Variants in POLE observed in about 807,000 individuals in gnomAD.
POLE encodes the protein DNA polymerase epsilon, catalytic subunit.
In POLE, 188 loss-of-function variants were observed where a neutral mutation model predicts 279.2. The ratio of observed to expected loss-of-function variants is 0.67; its 90% CI spans 0.60 to 0.76. POLE has a LOEUF of 0.76. Among genes scored for constraint, POLE ranks in the 30% least tolerant of loss-of-function variants. The pLI is 0.00. For synonymous variants in POLE, 1,214 were observed against 1,172.5 expected (o/e 1.04, Z -0.72); for missense variants, 2,703 against 3,016.7 (o/e 0.90, Z 2.44).
chr12:132,682,587 T>C (rs943839714), intron 1 of POLE, among the ~76,000 whole-genome samples: 9 of 152,302 alleles, frequency 5.9e-5, no homozygotes, highest in Admixed American at 4.6e-4. Context: ...CAAGATGTTA[T>C]GGTGAAGTGA....
At chr12:132,637,093 C>G (rs1218673819) in intron 41 of POLE, among the ~76,000 whole-genome samples, 2 of 152,250 alleles carry the variant, frequency 1.3e-5, no homozygotes. Flanking sequence ...AGCGTGACCA[C>G]TGACCATCAA....
chr12:132,650,985 C>T (rs2042411559), intron 29 of POLE: 2 of 149,784 alleles, frequency 1.3e-5, no homozygotes, highest in African/African-American at 2.5e-5. Flanking sequence ...AGCAATTCTG[C>T]CTCAGCCTCC....
At position 132,657,094 on chromosome 12, in the gene POLE, A is replaced by T. The variant is rs763536387; in HGVS notation, c.3582+42T>A. 17 of 1,607,542 alleles carry T rather than the reference A, an allele frequency of 1.1e-5. No individual in the cohort carries two copies. The South Asian group carries it at 1.8e-4, about 17-fold the overall frequency. On this transcript the variant is annotated intron_variant, in intron 29 of 48. Transcript: ENST00000320574. ...CAAGAAGCCTGGAGTCCTGTGTGTC[A>T]CAAGGATCCCGCCCAGCCCAGCCTT...
chr12:132,648,132 T>C (rs1291735452), intron 32 of POLE, among the ~76,000 whole-genome samples: 1 of 152,124 alleles, frequency 6.6e-6, no homozygotes, highest in African/African-American at 2.4e-5. Context: ...AGCGCACTCA[T>C]GGCCACATGA....
intron 26 of POLE, chr12:132,658,399 T>G (rs5744876): frequency 1.2e-5 from 2 of 173,128 alleles, no homozygotes; most frequent in East Asian, 3.5e-4. Context: ...CATGTCTACG[T>G]TTCTGAGTAA....
chr12:132,680,528 C>T, intron 3 of POLE, 79 bp downstream of exon 3: 1 of 1,160,674 alleles, frequency 8.6e-7, no homozygotes, highest in South Asian at 1.3e-5. Flanking sequence ...TGGAAGCCTC[C>T]CATGCCCTCC....
chr12:132,686,729 C>T (rs866355293), intron 1 of POLE, among the ~76,000 whole-genome samples: 20 of 152,166 alleles, frequency 1.3e-4, no homozygotes, highest in African/African-American at 4.3e-4. Context: ...AGCGGGACTC[C>T]CTGCCCAAAA....
rs758173240 is a variant in POLE at position 132,643,552 on chromosome 12, T to C, written c.4299A>G (p.Leu1433=). The C allele has an allele frequency of 6.2e-7, 1 of 1,614,048 alleles. No individual in the cohort carries two copies. The highest frequency in any genetic ancestry group is 8.5e-7 in the Non-Finnish European group (1 of 1,180,028). ...IEGVYETQVP[L]LFRALVHLGC... is the part of the protein sequence containing the mutation. ...CCAGGTGCACCAGGGCCCGGAACAGTAACGGAACCTGGAAGAATCGGGCAG... is the reference window on the plus strand; with the variant it reads ...CCAGGTGCACCAGGGCCCGGAACAGCAACGGAACCTGGAAGAATCGGGCAG... Residue 1433 remains leucine (L), a synonymous_variant, in exon 34 of 49, where the codon TTA becomes TTG. Transcript: ENST00000320574.
In POLE at chr12:132,673,196, G is replaced by A. The variant is rs1175351457; in HGVS notation, c.1441C>T (p.Leu481=). 1.2e-6 allele frequency: 2 copies of A among 1,613,070 alleles called. No individual in the cohort carries two copies. Among genetic ancestry groups the A allele is most frequent in the Admixed American group, 1.7e-5 (1 of 60,026 alleles). ...MKYVHPFIFA[L]CTIIPMEPDE... is the part of the protein sequence containing the mutation. ...GGCTCCATGGGAATAATGGTGCACA[G>A]AGCAAAGATGAATGGGTGGACGTAC... Residue 481 remains leucine (L), a synonymous_variant, in exon 14 of 49, where the codon CTG becomes TTG. Coordinates refer to ENST00000320574, the MANE Select transcript of POLE (RefSeq NM_006231.4).
At chr12:132,655,997 T>C (rs1234554453) in intron 29 of POLE, among the ~76,000 whole-genome samples, 2 of 151,728 alleles carry the variant, frequency 1.3e-5, no homozygotes, top group African/African-American at 2.4e-5. Flanking sequence ...ACCCCGTCTC[T>C]ACTAAAAATT....
At chr12:132,685,863 T>C (rs1048862300) in intron 1 of POLE, among the ~76,000 whole-genome samples, 1 of 151,894 alleles carries the variant, frequency 6.6e-6, no homozygotes, top group African/African-American at 2.4e-5. Flanking sequence ...CTTCACGTTC[T>C]CACACGTTTT....
At chr12:132,633,166 T>TCCC (rs2041969378) in intron 43 of POLE, 1 of 158,182 alleles carries the variant, frequency 6.3e-6, no homozygotes, top group Non-Finnish European at 1.4e-5. Context: ...CTTACCCTTT[T>TCCC]TTTTTTTTTT....
chr12:132,635,799 C>T (rs2138483151), intron 42 of POLE, 93 bp downstream of exon 42: 1 of 1,401,326 alleles, frequency 7.1e-7, no homozygotes, highest in South Asian at 1.3e-5. Flanking sequence ...TGCTCACGGC[C>T]AGGCCCGCCG....
In POLE at chr12:132,667,536, C is replaced by T. The variant is rs2135969639; in HGVS notation, c.2286G>A (p.Arg762=). The change falls in exon 20 of 49, where the codon CGG becomes CGA. Residue 762 remains arginine, a synonymous_variant. Transcript: ENST00000320574. ...GCCCTTTGAACTCGTAACGCCTGTC[C>T]CGGAAGGCACGCACGGTGTCCACGT... ...SFYVDTVRAF[R]DRRYEFKGLH... is the part of the protein sequence containing the mutation. 1 of 1,613,956 alleles carries T rather than the reference C, an allele frequency of 6.2e-7. No individual in the cohort carries two copies. Among genetic ancestry groups the T allele is most frequent in the Non-Finnish European group, 8.5e-7 (1 of 1,180,000 alleles).
In POLE at chr12:132,664,099, T is replaced by C; in HGVS notation, c.2611A>G (p.Ser871Gly). 1 of 1,614,208 alleles carries C rather than the reference T, an allele frequency of 6.2e-7. No homozygotes were observed. Among genetic ancestry groups the C allele is most frequent in the Non-Finnish European group, 8.5e-7 (1 of 1,180,014 alleles). Residue 871 changes from serine (S) to glycine (G), a missense_variant, in exon 23 of 49, where the codon AGC becomes GGC. By Grantham distance (56) the Ser-to-Gly change is moderately conservative. Transcript: ENST00000320574. The surrounding 1 kb of genome is among the most constrained non-coding windows in gnomAD (Gnocchi z 5.3). Reference protein sequence around the residue: ...TDGIWCVLPNSFPENFVFKTT... With the variant: ...TDGIWCVLPNGFPENFVFKTT... ...TTGAAGACAAAATTTTCTGGGAAGC[T>C]GTTGGGCAGGACGCACCATATACCA...
rs1251889234 is a variant in POLE at position 132,664,878 on chromosome 12, C to A, written c.2469-416G>T. On this transcript the variant is annotated intron_variant, in intron 21 of 48. Coordinates refer to ENST00000320574, the MANE Select transcript of POLE (RefSeq NM_006231.4). The surrounding 1 kb of genome is among the most constrained non-coding windows in gnomAD (Gnocchi z 5.3). ...CCAGCCTGGGTCCCAGCCCTGCTGT[C>A]AGCTGTCCCACCCTCCCCTCCCGGC... 6.6e-6 allele frequency among the ~76,000 whole-genome samples: 1 copy of A among 152,102 alleles called. No homozygotes were observed. The highest frequency in any genetic ancestry group is 1.9e-4 in the East Asian group (1 of 5,178).
intron 32 of POLE, among the ~76,000 whole-genome samples, chr12:132,645,564 G>T (rs76009327): frequency 0.021 from 3,151 of 152,232 alleles, 53 homozygotes; most frequent in East Asian, 0.028. Flanking sequence ...GGAAGAGCTT[G>T]GGCACTGGAA....
At position 132,675,935 on chromosome 12, in the gene POLE, G is replaced by T. The variant is rs551424801; in HGVS notation, c.1021-115C>A. The T allele has an allele frequency of 3.8e-5, 36 of 958,284 alleles. No homozygotes were observed. Among genetic ancestry groups the T allele is most frequent in the South Asian group, 3.5e-4 (25 of 71,472 alleles). 59.4% of individuals were successfully genotyped at this position (958,284 alleles called of 1,614,324 possible). A position where few individuals can be genotyped will look rare whatever the true frequency, so the allele number is the denominator to read the frequency against. ...TCATGTTGGCCCTTATTCCTGCCCC[G>T]CCCCTCCGCCCGTCTCTGGCAGAAA... On this transcript the variant is annotated intron_variant, in intron 10 of 48. Transcript: ENST00000320574. This position sits in a 1 kb window ranked among gnomAD's most constrained non-coding sequence, Gnocchi z 4.3.
At position 132,664,261 on chromosome 12, in the gene POLE, C is replaced by T. The variant is rs1346132355; in HGVS notation, c.2561+109G>A. On this transcript the variant is annotated intron_variant, in intron 22 of 48. Transcript: ENST00000320574. The surrounding 1 kb of genome is among the most constrained non-coding windows in gnomAD (Gnocchi z 5.3). ...CCCAGTGTGTGGCCTCCAGCCTTCC[C>T]TCCTTCCTTCCTGCCCAGTGTGTGG... The T allele has an allele frequency of 2.5e-6, 3 of 1,223,136 alleles. No individual in the cohort carries two copies. The highest frequency in any genetic ancestry group is 3.6e-6 in the Non-Finnish European group (3 of 839,042). 75.8% of individuals were successfully genotyped at this position (1,223,136 alleles called of 1,614,324 possible).
Sources: allele counts gnomAD v4.1 joint callset (sites outside exome capture counted in the v4.1 genomes callset), GRCh38; gene constraint gnomAD v4.1.1; non-coding constraint Gnocchi (gnomAD v3.1); transcripts MANE v1.5; gene names NCBI Gene and HGNC (gene_info 2026-07-23, HGNC 2026-07-21).